AK8: variants seen among roughly 807,000 people sequenced by gnomAD.
The protein encoded by AK8 is ATP-AMP transphosphorylase 8.
Under a neutral mutation model 54.6 loss-of-function variants are expected in AK8, and 44 were observed. The observed-to-expected ratio is 0.81, with a 90% confidence interval of 0.63 to 1.04. The LOEUF (loss-of-function observed/expected upper bound fraction) is 1.04. Among genes scored for constraint, AK8 ranks in the 50% least tolerant of loss-of-function variants. The pLI is 0.00. For missense variants in AK8, 555 were observed against 613.6 expected, an observed-to-expected ratio of 0.90 and a Z score of 1.01; for synonymous variants, 239 against 245.6, an observed-to-expected ratio of 0.97 and a Z score of 0.25.
At position 132,781,841 on chromosome 9, in the gene AK8, C is replaced by T. The variant is rs1040608859; in HGVS notation, c.1121+10793G>A. Among the ~76,000 whole-genome samples, 1 of 152,134 alleles carries T rather than the reference C, an allele frequency of 6.6e-6. No individual in the cohort carries two copies. The highest frequency in any genetic ancestry group is 1.5e-5 in the Non-Finnish European group (1 of 68,034). On this transcript the variant is annotated intron_variant, in intron 11 of 12. Transcript: ENST00000298545. The surrounding 1 kb of genome is among the most constrained non-coding windows in gnomAD (Gnocchi z 4.6). ...TTTAGAATATTTCTCTCTTTCTTAG[C>T]CTGTATCTGAACTTGAAGGTTTACG...
At chr9:132,793,251 G>A (rs1462666464) in intron 10 of AK8, among the ~76,000 whole-genome samples, 1 of 152,078 alleles carries the variant, frequency 6.6e-6, no homozygotes, top group Non-Finnish European at 1.5e-5. Context: ...TCCCTTATAC[G>A]GGCACTAATC....
At chr9:132,814,219 T>C (rs1157808487) in intron 10 of AK8, among the ~76,000 whole-genome samples, 2 of 133,814 alleles carry the variant, frequency 1.5e-5, no homozygotes, top group East Asian at 4.3e-4. Context: ...GTTGAGGCTG[T>C]AGTGAGCTGA....
At chr9:132,771,319 A>G (rs116951104) in intron 11 of AK8, among the ~76,000 whole-genome samples, 60 of 152,298 alleles carry the variant, frequency 3.9e-4, no homozygotes, top group Non-Finnish European at 7.6e-4. Flanking sequence ...GCTATGGCAG[A>G]TGGTGGTCAG....
At chr9:132,853,782 TCAAA>T (rs1843061645) in intron 5 of AK8, among the ~76,000 whole-genome samples, 1 of 21,302 alleles carries the variant, frequency 4.7e-5, no homozygotes, top group African/African-American at 1.3e-4. Context: ...AGACTCTGCC[TCAAA>T]AAAAAAAAAA....
intron 5 of AK8, among the ~76,000 whole-genome samples, chr9:132,847,290 C>T (rs1193618751): frequency 6.6e-6 from 1 of 152,190 alleles, no homozygotes; most frequent in African/African-American, 2.4e-5. Context: ...AGTCCTGCTG[C>T]CTTTGCTGAC....
chr9:132,820,144 G>C, intron 9 of AK8, among the ~76,000 whole-genome samples: 1 of 72,710 alleles, frequency 1.4e-5, no homozygotes, highest in African/African-American at 5.2e-5. Flanking sequence ...AGTAAGACCC[G>C]AAAAAAAAAA....
chr9:132,839,469 T>C (rs930274610), intron 5 of AK8, among the ~76,000 whole-genome samples: 1 of 152,180 alleles, frequency 6.6e-6, no homozygotes, highest in Non-Finnish European at 1.5e-5. Flanking sequence ...TTCCTTCCTA[T>C]GCTTTTGATG....
intron 4 of AK8, among the ~76,000 whole-genome samples, chr9:132,862,580 TG>T (rs1843434556): frequency 6.6e-6 from 1 of 152,082 alleles, no homozygotes; most frequent in Non-Finnish European, 1.5e-5. Context: ...CTGCCCACCT[TG>T]GCCTCCCAAA....
chr9:132,763,254 C>T (rs1430970016), intron 11 of AK8, among the ~76,000 whole-genome samples: 1 of 152,156 alleles, frequency 6.6e-6, no homozygotes, highest in Non-Finnish European at 1.5e-5. Context: ...ATATCAAGTA[C>T]CTTTTGTGAC....
intron 11 of AK8, among the ~76,000 whole-genome samples, chr9:132,742,361 A>G (rs1837432807): frequency 6.6e-6 from 1 of 152,162 alleles, no homozygotes. Flanking sequence ...CATTTTTTGT[A>G]GAGACAGGGT....
At chr9:132,846,939 T>A (rs1276818203) in intron 5 of AK8, among the ~76,000 whole-genome samples, 1 of 152,236 alleles carries the variant, frequency 6.6e-6, no homozygotes, top group Non-Finnish European at 1.5e-5. Context: ...GCGTAGTGCC[T>A]GATGCCAGGC....
intron 11 of AK8, among the ~76,000 whole-genome samples, chr9:132,784,579 G>T (rs928145614): frequency 6.6e-6 from 1 of 151,996 alleles, no homozygotes; most frequent in African/African-American, 2.4e-5. Flanking sequence ...GAAGGAAAGA[G>T]AAACACATCT....
chr9:132,801,625 A>G (rs1588145915), intron 10 of AK8, among the ~76,000 whole-genome samples: 1 of 152,204 alleles, frequency 6.6e-6, no homozygotes, highest in East Asian at 1.9e-4. Context: ...ATAGCCCACG[A>G]AATCTGGGAG....
chr9:132,851,173 A>G (rs974543725), intron 5 of AK8, among the ~76,000 whole-genome samples: 5 of 152,132 alleles, frequency 3.3e-5, no homozygotes, highest in Admixed American at 6.5e-5. Flanking sequence ...AGGAGGGGAG[A>G]TACCTCTGTG....
chr9:132,830,407 C>T (rs1842058051), intron 5 of AK8, among the ~76,000 whole-genome samples: 2 of 152,170 alleles, frequency 1.3e-5, no homozygotes, highest in Admixed American at 6.5e-5. Flanking sequence ...AAGCATGTTT[C>T]CTTGCATCTC....
intron 5 of AK8, among the ~76,000 whole-genome samples, chr9:132,853,981 T>C (rs1051710915): frequency 6.6e-6 from 1 of 151,480 alleles, no homozygotes; most frequent in Non-Finnish European, 1.5e-5. Flanking sequence ...GAAAAAAATA[T>C]AGGAGCCTAG....
In AK8 at chr9:132,770,835, CT is replaced by C. The variant is rs1403979544; in HGVS notation, c.1121+21798del. ...AGCTGCTGAGTGCACGGCAGACCCC[CT>C]GGCATGGGGTTACACCTTCTCTCAG... On this transcript the variant is annotated intron_variant, in intron 11 of 12. Coordinates refer to ENST00000298545, the MANE Select transcript of AK8 (RefSeq NM_152572.3). This position sits in a 1 kb window ranked among gnomAD's most constrained non-coding sequence, Gnocchi z 4.3. 1.3e-5 allele frequency among the ~76,000 whole-genome samples: 2 copies of C among 152,178 alleles called. No homozygotes were observed. Among genetic ancestry groups the C allele is most frequent in the Non-Finnish European group, 2.9e-5 (2 of 68,014 alleles).
At chr9:132,845,079 C>T (rs965672939) in intron 5 of AK8, among the ~76,000 whole-genome samples, 4 of 152,168 alleles carry the variant, frequency 2.6e-5, no homozygotes, top group South Asian at 2.1e-4. Context: ...GTCCTGCTGC[C>T]AATGCTACAC....
Position 132,770,897 on chromosome 9 carries a change from C to G in AK8, c.1121+21737G>C, listed in dbSNP as rs1838946936. Among the ~76,000 whole-genome samples the G allele has an allele frequency of 6.6e-6, 1 of 152,168 alleles. No individual in the cohort carries two copies. Among genetic ancestry groups the G allele is most frequent in the Non-Finnish European group, 1.5e-5 (1 of 68,014 alleles). The stretch of plus-strand genomic sequence containing the variant: ...GTGGGCCTCCCCAGTCAGGGAGATG[C>G]TTCCCCCATCTCATCTCAGTGGGGA... On this transcript the variant is annotated intron_variant, in intron 11 of 12. Coordinates refer to ENST00000298545, the MANE Select transcript of AK8 (RefSeq NM_152572.3). The surrounding 1 kb of genome is among the most constrained non-coding windows in gnomAD (Gnocchi z 4.3).
Sources: gnomAD v4.1 joint callset for allele counts (sites outside exome capture counted in the v4.1 genomes callset) on GRCh38, gnomAD v4.1.1 for gene constraint, Gnocchi (gnomAD v3.1) non-coding constraint, MANE v1.5 for transcripts, NCBI Gene and HGNC (gene_info 2026-07-23, HGNC 2026-07-21) for gene names.